Variants in CADPS2 observed in about 807,000 individuals in gnomAD.
The protein encoded by CADPS2 is calcium dependent secretion activator 2.
Under a neutral mutation model 172.5 loss-of-function variants are expected in CADPS2, and 93 were observed. The ratio of observed to expected loss-of-function variants is 0.54; its 90% CI spans 0.46 to 0.64. The LOEUF (loss-of-function observed/expected upper bound fraction) is 0.64. Ranked by LOEUF, CADPS2 falls within the 30% of genes least tolerant of loss-of-function variation. CADPS2 has a pLI of 0.00. For missense variants in CADPS2, 1,420 were observed against 1,565.9 expected (o/e 0.91, Z 1.57); for synonymous variants, 546 against 555.2 (o/e 0.98, Z 0.23).
At chr7:122,681,202 G>A (rs1422794631) in intron 2 of CADPS2, 14 of 637,550 alleles carry the variant, frequency 2.2e-5, no homozygotes, top group African/African-American at 3.7e-5. Flanking sequence ...TGGGTGCAGT[G>A]CACCAGCATG....
intron 1 of CADPS2, among the ~76,000 whole-genome samples, chr7:122,883,449 G>A (rs1823490684): frequency 1.3e-5 from 2 of 152,228 alleles, no homozygotes; most frequent in South Asian, 4.1e-4. Context: ...CTTTTTACTG[G>A]ATGCCTGACT....
intron 2 of CADPS2, among the ~76,000 whole-genome samples, chr7:122,690,550 G>C (rs948167923): frequency 6.6e-6 from 1 of 152,180 alleles, no homozygotes; most frequent in Non-Finnish European, 1.5e-5. Context: ...CTGACACCAG[G>C]TTTTGTCTCC....
intron 8 of CADPS2, among the ~76,000 whole-genome samples, chr7:122,527,978 T>G (rs2061411180): frequency 6.6e-6 from 1 of 152,166 alleles, no homozygotes; most frequent in African/African-American, 2.4e-5. Context: ...AGATTTACTT[T>G]TCTCATTTGT....
At chr7:122,564,973 A>T (rs1183989244) in intron 7 of CADPS2, among the ~76,000 whole-genome samples, 1 of 152,082 alleles carries the variant, frequency 6.6e-6, no homozygotes, top group Non-Finnish European at 1.5e-5. Context: ...TAATTCAGAA[A>T]CAGAAAGTCA....
intron 1 of CADPS2, among the ~76,000 whole-genome samples, chr7:122,870,168 A>G (rs1819382625): frequency 6.6e-6 from 1 of 152,028 alleles, no homozygotes; most frequent in African/African-American, 2.4e-5. Context: ...TTAGTGGATT[A>G]AAAAAAGAAG....
intron 7 of CADPS2, 102 bp downstream of exon 7, chr7:122,581,077 A>G (rs1248440134): frequency 1.3e-6 from 1 of 759,962 alleles, no homozygotes; most frequent in Non-Finnish European, 2.2e-6. Context: ...TATGTAATTT[A>G]TGAACATAAA....
At chr7:122,457,569 T>C (rs1443039842) in intron 14 of CADPS2, among the ~76,000 whole-genome samples, 1 of 152,084 alleles carries the variant, frequency 6.6e-6, no homozygotes, top group Non-Finnish European at 1.5e-5. Flanking sequence ...TCACAGCATA[T>C]GAAGGGGTCT....
At chr7:122,799,824 T>C (rs907784033) in intron 1 of CADPS2, among the ~76,000 whole-genome samples, 1 of 152,132 alleles carries the variant, frequency 6.6e-6, no homozygotes, top group Admixed American at 6.6e-5. Flanking sequence ...GAGAGTTTGT[T>C]CAATGTCTCA....
rs909322197 is a variant in CADPS2, at chr7:122,774,269, T to C, written c.340-37201A>G. Among the ~76,000 whole-genome samples the C allele has an allele frequency of 4.2e-3, 597 of 143,098 alleles. 4 individuals are homozygous for C. The East Asian group carries it at 0.044, about 11-fold the overall frequency. The allele number at this position is 143,098 out of a possible 152,430, so 93.9% of individuals were successfully genotyped here. On this transcript the variant is annotated intron_variant, in intron 1 of 29. Coordinates refer to ENST00000449022, the MANE Select transcript of CADPS2 (RefSeq NM_017954.11). ...ATATATATATAGACATAGATAGATA[T>C]ACACACACACACACACACACACACA...
chr7:122,347,116 C>T lies in CADPS2; in HGVS notation c.3505-1435G>A, dbSNP rs902224923. Among the ~76,000 whole-genome samples, 6 of 152,126 alleles carry T rather than the reference C, an allele frequency of 3.9e-5. No individual in the cohort carries two copies. In the East Asian group the frequency reaches 9.6e-4, roughly 24 times the overall value. ...CGTATTCACAGAAAGCATTTATAAC[C>T]TTTGTCAGCAGACTCATTTGCAAAA... On this transcript the variant is annotated intron_variant, in intron 27 of 29. Transcript: ENST00000449022.
At chr7:122,663,197 G>C (rs780574186) in intron 3 of CADPS2, 40 bp downstream of exon 3, 3 of 1,372,312 alleles carry the variant, frequency 2.2e-6, no homozygotes, top group African/African-American at 1.4e-5. Context: ...TTCATTCCAC[G>C]AGTCAGACAG....
intron 7 of CADPS2, among the ~76,000 whole-genome samples, chr7:122,565,442 T>C (rs2066334269): frequency 6.6e-6 from 1 of 152,152 alleles, no homozygotes; most frequent in Non-Finnish European, 1.5e-5. Context: ...GAATGATTCA[T>C]GGGCAGAAGA....
At chr7:122,488,058 T>C (rs2057995014) in intron 11 of CADPS2, among the ~76,000 whole-genome samples, 1 of 152,104 alleles carries the variant, frequency 6.6e-6, no homozygotes, top group Non-Finnish European at 1.5e-5. Context: ...TGTAGAACTG[T>C]AGCTTATAGG....
chr7:122,849,770 C>A, intron 1 of CADPS2: 1 of 463,262 alleles, frequency 2.2e-6, no homozygotes, highest in South Asian at 1.7e-5. Flanking sequence ...TAAAAACTGT[C>A]CCCAAGCCAG....
chr7:122,721,465 T>A (rs1776791494), intron 2 of CADPS2, among the ~76,000 whole-genome samples: 1 of 152,114 alleles, frequency 6.6e-6, no homozygotes, highest in Admixed American at 6.6e-5. Context: ...CCTCAACACA[T>A]ACACCCTCCC....
intron 1 of CADPS2, among the ~76,000 whole-genome samples, chr7:122,876,424 C>T (rs1209423276): frequency 6.6e-6 from 1 of 152,138 alleles, no homozygotes; most frequent in Non-Finnish European, 1.5e-5. Context: ...TGCAGTGGTG[C>T]AATCACAGAT....
At chr7:122,525,221 CTCT>C (rs1322621895) in intron 8 of CADPS2, among the ~76,000 whole-genome samples, 1 of 152,050 alleles carries the variant, frequency 6.6e-6, no homozygotes, top group Non-Finnish European at 1.5e-5. Context: ...CCTGAAAGGC[CTCT>C]TCTTCTAGTA....
intron 2 of CADPS2, chr7:122,698,458 A>G (rs1432467249): frequency 2.5e-6 from 4 of 1,613,948 alleles, no homozygotes; most frequent in East Asian, 2.2e-5. Flanking sequence ...GTTACCAATC[A>G]TAACCACAAC....
At chr7:122,578,310 T>C (rs943530009) in intron 7 of CADPS2, among the ~76,000 whole-genome samples, 2 of 151,998 alleles carry the variant, frequency 1.3e-5, no homozygotes, top group Admixed American at 6.6e-5. Context: ...ACATGTGTGT[T>C]CAGATTAAAA....
Sources: allele counts gnomAD v4.1 joint callset (sites outside exome capture counted in the v4.1 genomes callset), GRCh38; gene constraint gnomAD v4.1.1; transcripts MANE v1.5; gene names NCBI Gene and HGNC (gene_info 2026-07-23, HGNC 2026-07-21).